Variants in ASTN1 observed in about 807,000 individuals in gnomAD.
ASTN1 encodes astrotactin 1, also known as astrotactin-1.
A neutral mutation model predicts 140.7 loss-of-function variants in ASTN1; 41 were observed. The observed-to-expected ratio is 0.29, with a 90% CI of 0.23 to 0.38. The LOEUF (loss-of-function observed/expected upper bound fraction) is 0.38. Ranked by LOEUF, ASTN1 falls within the 10% of genes least tolerant of loss-of-function variation. ASTN1 has a pLI of 1.00. For synonymous variants in ASTN1, 640 were observed against 652.2 expected, an observed-to-expected ratio of 0.98 and a Z score of 0.29; for missense variants, 1,479 against 1,678.8, an observed-to-expected ratio of 0.88 and a Z score of 2.08.
intron 2 of ASTN1, among the ~76,000 whole-genome samples, chr1:177,042,576 G>C (rs1427990735): frequency 1.3e-5 from 2 of 152,156 alleles, no homozygotes; most frequent in Non-Finnish European, 2.9e-5. Context: ...TAATACTAAT[G>C]ATAACTACTG....
At chr1:176,904,640 T>G (rs1014125022) in intron 16 of ASTN1, among the ~76,000 whole-genome samples, 1 of 152,168 alleles carries the variant, frequency 6.6e-6, no homozygotes, top group African/African-American at 2.4e-5. Context: ...TAAGGCTTCC[T>G]CCGCGCCCCC....
intron 8 of ASTN1, among the ~76,000 whole-genome samples, chr1:176,968,266 G>A (rs1672972186): frequency 1.3e-5 from 2 of 152,218 alleles, no homozygotes; most frequent in African/African-American, 2.4e-5. Context: ...AGAATCATTT[G>A]TTAAATAAGT....
At chr1:177,002,376 AACACAC>A (rs3979529) in intron 8 of ASTN1, among the ~76,000 whole-genome samples, 13,872 of 148,472 alleles carry the variant, frequency 0.093, 675 homozygotes, top group Non-Finnish European at 0.1. Flanking sequence ...CTTACACACA[AACACAC>A]ACACACACAC....
chr1:177,151,806 AT>A (rs2102248098), intron 1 of ASTN1, among the ~76,000 whole-genome samples: 1 of 152,248 alleles, frequency 6.6e-6, no homozygotes, highest in African/African-American at 2.4e-5. Flanking sequence ...TTTATACTCA[AT>A]TAACTCTGTA....
At chr1:177,056,466 G>A (rs73047032) in intron 2 of ASTN1, among the ~76,000 whole-genome samples, 6,936 of 151,856 alleles carry the variant, frequency 0.046, 285 homozygotes, top group African/African-American at 0.11. Context: ...CAAACAGCTG[G>A]GGCTACTAAG....
Position 176,957,096 on chromosome 1 carries a change from G to T in ASTN1, c.1887+582C>A, listed in dbSNP as rs571158115. Among the ~76,000 whole-genome samples, 18 of 152,000 alleles carry T rather than the reference G, an allele frequency of 1.2e-4. No homozygotes were observed. The South Asian group carries it at 3.5e-3, about 30-fold the overall frequency. ...CCATTTTTTTTTTGTAGAGACGAGG[G>T]TCTCACTATGTTGCCCAGGCTGGTC... On this transcript the variant is annotated intron_variant, in intron 11 of 22. Transcript: ENST00000361833.
intron 16 of ASTN1, among the ~76,000 whole-genome samples, chr1:176,895,212 A>G (rs1037787293): frequency 6.6e-6 from 1 of 152,266 alleles, no homozygotes; most frequent in African/African-American, 2.4e-5. Flanking sequence ...GCATTGGGTA[A>G]TGAATGAATG....
rs375108403 is a variant in ASTN1, at chr1:177,045,863, A to G, written c.472-13014T>C. 8.6e-5 allele frequency among the ~76,000 whole-genome samples: 13 copies of G among 151,836 alleles called. No homozygotes were observed. The South Asian group carries it at 2.3e-3, about 27-fold the overall frequency. Reference sequence around the variant, plus strand: ...GTCAAAACTTGTAATCACATTAAAAATGTCTATTTAGAATCTAATTATATC... The same window carrying G: ...GTCAAAACTTGTAATCACATTAAAAGTGTCTATTTAGAATCTAATTATATC... On this transcript the variant is annotated intron_variant, in intron 2 of 22. Transcript: ENST00000361833.
intron 12 of ASTN1, among the ~76,000 whole-genome samples, chr1:176,948,652 T>A (rs917501924): frequency 1.3e-5 from 2 of 152,116 alleles, no homozygotes; most frequent in African/African-American, 2.4e-5. Context: ...AGAGCCTGCC[T>A]GCAAGAAAGG....
intron 18 of ASTN1, among the ~76,000 whole-genome samples, chr1:176,885,887 T>G (rs1048982654): frequency 1.3e-5 from 2 of 152,062 alleles, no homozygotes; most frequent in Admixed American, 1.3e-4. Flanking sequence ...AAGTAAGGAA[T>G]TCAACTAGTG....
intron 14 of ASTN1, among the ~76,000 whole-genome samples, chr1:176,940,859 G>T: frequency 6.6e-6 from 1 of 152,172 alleles, no homozygotes; most frequent in Non-Finnish European, 1.5e-5. Context: ...AATAGACTCG[G>T]GAATTGCTGG....
chr1:176,870,960 G>A (rs1365878999), intron 21 of ASTN1, among the ~76,000 whole-genome samples: 2 of 152,192 alleles, frequency 1.3e-5, no homozygotes. Flanking sequence ...AAAAGGCCAA[G>A]TTACCTACCT....
intron 8 of ASTN1, among the ~76,000 whole-genome samples, chr1:176,994,013 G>A (rs1674313431): frequency 1.6e-5 from 2 of 122,048 alleles, no homozygotes; most frequent in South Asian, 4.9e-4. Context: ...AGAACTGTGT[G>A]TGTACGTGTG....
Position 177,164,591 on chromosome 1 carries a change from G to A in ASTN1, c.86C>T (p.Pro29Leu). 6.2e-7 allele frequency: 1 copy of A among 1,613,646 alleles called. No individual in the cohort carries two copies. The highest frequency in any genetic ancestry group is 8.5e-7 in the Non-Finnish European group (1 of 1,179,826). Residue 29 changes from proline (P) to leucine (L), a missense_variant, in exon 1 of 23, where the codon CCA becomes CTA. Pro to Leu is a moderately conservative substitution (Grantham distance 98). Coordinates refer to ENST00000361833, the MANE Select transcript of ASTN1 (RefSeq NM_004319.3). ...GAGCTTGCACTCCAGCTCCTTGGAT[G>A]GATCCACGTCGCCGGCGGCCGTGGC... ...VLATAAGDVD[P>L]SKELECKLKS...
chr1:176,922,831 A>G (rs564952946), intron 16 of ASTN1, among the ~76,000 whole-genome samples: 3 of 152,270 alleles, frequency 2.0e-5, no homozygotes, highest in African/African-American at 7.2e-5. Context: ...TTAAATTTTT[A>G]TCATTGCTGT....
chr1:176,967,996 C>T (rs1407208923), intron 8 of ASTN1, among the ~76,000 whole-genome samples: 1 of 152,110 alleles, frequency 6.6e-6, no homozygotes, highest in African/African-American at 2.4e-5. Flanking sequence ...ATCCTGATCA[C>T]ATTTAAAGGC....
At chr1:177,117,610 C>T (rs1558107887) in intron 1 of ASTN1, among the ~76,000 whole-genome samples, 4 of 152,138 alleles carry the variant, frequency 2.6e-5, no homozygotes, top group Admixed American at 6.5e-5. Flanking sequence ...TTGCTCACTT[C>T]CCACCCACCC....
chr1:176,894,917 A>G, intron 16 of ASTN1, 87 bp from the exon 17 acceptor site: 1 of 1,538,332 alleles, frequency 6.5e-7, no homozygotes, highest in South Asian at 1.1e-5. Flanking sequence ...GCTGGGGTCC[A>G]ATCTTTGGGA....
chr1:176,941,783 C>T (rs1449860561), intron 14 of ASTN1, among the ~76,000 whole-genome samples: 3 of 152,182 alleles, frequency 2.0e-5, no homozygotes, highest in Admixed American at 6.5e-5. Context: ...AACAGAGCCA[C>T]GTATCTTATT....
Sources: gnomAD v4.1 joint callset for allele counts (sites outside exome capture counted in the v4.1 genomes callset) on GRCh38, gnomAD v4.1.1 for gene constraint, MANE v1.5 for transcripts, NCBI Gene and HGNC (gene_info 2026-07-23, HGNC 2026-07-21) for gene names.